CLEC16A: variants seen among roughly 807,000 people sequenced by gnomAD.
CLEC16A encodes C-type lectin domain containing 16A.
A neutral mutation model predicts 109.5 loss-of-function variants in CLEC16A; 51 were observed. The observed-to-expected ratio is 0.47, with a 90% CI of 0.37 to 0.59. CLEC16A has a LOEUF of 0.59. CLEC16A is among the 20% of genes least tolerant of loss of function. CLEC16A has a pLI of 0.00. For synonymous variants in CLEC16A, 673 were observed against 564.2 expected, an observed-to-expected ratio of 1.19 and a Z score of -2.73; for missense variants, 1,339 against 1,394.0, an observed-to-expected ratio of 0.96 and a Z score of 0.63.
chr16:11,063,219 G>A (rs555148524), intron 19 of CLEC16A, among the ~76,000 whole-genome samples: 10 of 151,342 alleles, frequency 6.6e-5, no homozygotes, highest in South Asian at 2.1e-4. Context: ...ATGGAAGCAC[G>A]TGGTACTAGG....
intron 22 of CLEC16A, among the ~76,000 whole-genome samples, chr16:11,141,230 G>C (rs768558391): frequency 1.3e-5 from 2 of 152,256 alleles, no homozygotes; most frequent in Non-Finnish European, 2.9e-5. Flanking sequence ...GCACCAGGCA[G>C]GTAGAGTTCT....
In CLEC16A at chr16:11,020,312, A is replaced by T; in HGVS notation, c.1423A>T (p.Thr475Ser). The T allele has an allele frequency of 6.2e-7, 1 of 1,611,446 alleles. No homozygotes were observed. The highest frequency in any genetic ancestry group is 8.5e-7 in the Non-Finnish European group (1 of 1,178,776). Residue 475 changes from threonine to serine, a missense_variant, in exon 12 of 24, where the codon ACG becomes TCG. Around this residue, in one of 3 missense-constraint regions of CLEC16A, gnomAD observed 1,061 missense variants for 1,006.8 expected, o/e 1.05. Coordinates refer to ENST00000409790, the MANE Select transcript of CLEC16A (RefSeq NM_015226.3). ...KSAAATCSES[T>S]QWSRPFLDMV... ...CGCCGCCGCCACCTGCTCTGAGAGC[A>T]CGCAATGGAGCAGGTAGCTGCCCGA...
chr16:11,031,334 G>C (rs2046730771), intron 13 of CLEC16A, among the ~76,000 whole-genome samples: 1 of 152,198 alleles, frequency 6.6e-6, no homozygotes, highest in Non-Finnish European at 1.5e-5. Context: ...TCATCTTGGT[G>C]ACTGGTGTTC....
chr16:10,954,212 GGCGA>G lies in CLEC16A; in HGVS notation c.81-3567_81-3564del, dbSNP rs2041878561. ...CTTTCTTCCTGGCCACAGGTCTGTGGGCGAGCTACTGAACGTCGCCAAACCTCAC... is the reference window on the plus strand; with the variant it reads ...CTTTCTTCCTGGCCACAGGTCTGTGGGCTACTGAACGTCGCCAAACCTCAC... On this transcript the variant is annotated intron_variant, in intron 1 of 23. Transcript: ENST00000409790. The surrounding 1 kb of genome is among the most constrained non-coding windows in gnomAD (Gnocchi z 4.2). Among the ~76,000 whole-genome samples, 1 of 152,164 alleles carries G rather than the reference GGCGA, an allele frequency of 6.6e-6. No homozygotes were observed. The highest frequency in any genetic ancestry group is 6.5e-5 in the Admixed American group (1 of 15,286).
At chr16:10,989,492 C>A (rs1175552597) in intron 10 of CLEC16A, among the ~76,000 whole-genome samples, 3 of 152,142 alleles carry the variant, frequency 2.0e-5, no homozygotes, top group South Asian at 2.1e-4. Flanking sequence ...ACCTTGGCCT[C>A]GCAAAGTGCT....
chr16:10,960,511 G>A (rs910398297), intron 2 of CLEC16A, among the ~76,000 whole-genome samples: 13 of 152,184 alleles, frequency 8.5e-5, no homozygotes, highest in African/African-American at 3.1e-4. Flanking sequence ...ATATCCACAT[G>A]ACATCCTGGT....
At position 11,027,136 on chromosome 16, in the gene CLEC16A, A is replaced by G. The variant is rs561769411; in HGVS notation, c.1537+2215A>G. 9.6e-6 allele frequency: 14 copies of G among 1,458,840 alleles called. No homozygotes were observed. The East Asian group carries it at 2.9e-4, about 31-fold the overall frequency. 90.4% of individuals were successfully genotyped at this position (1,458,840 alleles called of 1,614,324 possible). A position where few individuals can be genotyped will look rare whatever the true frequency, so the allele number is the denominator to read the frequency against. On this transcript the variant is annotated intron_variant, in intron 13 of 23. Transcript: ENST00000409790. ...CAGGCAAAGCAGGAACTTTTGGCAA[A>G]GAAGGAGCAGAAGAAAGGAAAAGGG...
At position 11,092,431 on chromosome 16, in the gene CLEC16A, T is replaced by C. The variant is rs1217754238; in HGVS notation, c.2117-28184T>C. 2.0e-5 allele frequency among the ~76,000 whole-genome samples: 3 copies of C among 147,788 alleles called. No individual in the cohort carries two copies. In the East Asian group the frequency reaches 6.0e-4, roughly 29 times the overall value. ...CAGGTGTGGTGGTGGGAGCCTGTAG[T>C]CCCAGCTACTTGGGAGGCTGAGGCG... On this transcript the variant is annotated intron_variant, in intron 19 of 23. Transcript: ENST00000409790.
chr16:11,000,176 A>G (rs1332503882), intron 10 of CLEC16A, among the ~76,000 whole-genome samples: 1 of 152,126 alleles, frequency 6.6e-6, no homozygotes, highest in African/African-American at 2.4e-5. Flanking sequence ...CTTTGGTTCT[A>G]GGGGGCCAGA....
chr16:10,979,491 C>G (rs188252853), intron 9 of CLEC16A, 109 bp downstream of exon 9: 6 of 940,088 alleles, frequency 6.4e-6, no homozygotes, highest in South Asian at 4.4e-5. Context: ...CTGTCCCCCC[C>G]ATGCTGGAGT....
In CLEC16A at chr16:11,120,773, T is replaced by A. The variant is rs1316621051; in HGVS notation, c.2268+7T>A. ...GTTTGCAGGCCTATTGCAGGTAAGA[T>A]GGCCAGGAGCTCTGGGATCTGTTCT... On this transcript the variant is annotated splice_region_variant and intron_variant, in intron 20 of 23. Transcript: ENST00000409790. The A allele has an allele frequency of 6.6e-7, 1 of 1,522,232 alleles. No homozygotes were observed. The highest frequency in any genetic ancestry group is 8.9e-7 in the Non-Finnish European group (1 of 1,127,928). The allele number at this position is 1,522,232 out of a possible 1,614,324, so 94.3% of individuals were successfully genotyped here.
chr16:10,956,690 A>G (rs903004678), intron 1 of CLEC16A, among the ~76,000 whole-genome samples: 7 of 152,302 alleles, frequency 4.6e-5, no homozygotes, highest in South Asian at 2.1e-4. Context: ...CCCACCAGCA[A>G]AGAGGCCTTG....
intron 19 of CLEC16A, among the ~76,000 whole-genome samples, chr16:11,073,481 G>C (rs1035848936): frequency 1.3e-5 from 2 of 152,104 alleles, no homozygotes; most frequent in African/African-American, 4.8e-5. Flanking sequence ...GCGCCACGCT[G>C]CTTCATCCAT....
Position 11,062,916 on chromosome 16 carries a change from A to AT in CLEC16A, c.2116+1894_2116+1895insT, listed in dbSNP as rs1410227195. On this transcript the variant is annotated intron_variant, in intron 19 of 23. Coordinates refer to ENST00000409790, the MANE Select transcript of CLEC16A (RefSeq NM_015226.3). ...GGGGGGGTGGGGGAGGGCAGTGGGG[A>AT]GGGGGCACTTCATCAGGGCAGCAAG... 3.5e-5 allele frequency among the ~76,000 whole-genome samples: 5 copies of AT among 141,098 alleles called. No individual in the cohort carries two copies. The East Asian group carries it at 1.1e-3, about 30-fold the overall frequency. 92.6% of individuals were successfully genotyped at this position (141,098 alleles called of 152,430 possible). A position where few individuals can be genotyped will look rare whatever the true frequency, so the allele number is the denominator to read the frequency against.
chr16:11,122,094 G>T (rs1405651594), intron 20 of CLEC16A, among the ~76,000 whole-genome samples: 2 of 39,268 alleles, frequency 5.1e-5, no homozygotes, highest in African/African-American at 2.6e-4. Flanking sequence ...AGCCAGCCCT[G>T]GTTTCTGGAA....
intron 8 of CLEC16A, among the ~76,000 whole-genome samples, chr16:10,978,657 G>C (rs546033352): frequency 8.6e-4 from 131 of 152,300 alleles, no homozygotes; most frequent in African/African-American, 3.0e-3. Context: ...GAGAGACAGA[G>C]ACAGAGTGTG....
chr16:11,044,145 T>C (rs1050596469), intron 16 of CLEC16A, 73 bp downstream of exon 16: 1 of 1,340,392 alleles, frequency 7.5e-7, no homozygotes, highest in Non-Finnish European at 1.0e-6. Context: ...TCTGGTTCTA[T>C]GCAGATAAAC....
chr16:11,057,481 C>T (rs2048269304), intron 18 of CLEC16A, among the ~76,000 whole-genome samples: 1 of 152,242 alleles, frequency 6.6e-6, no homozygotes, highest in Admixed American at 6.5e-5. Flanking sequence ...ACTACAGAGC[C>T]ACCCACCTTC....
In CLEC16A at chr16:11,044,088, C is replaced by T; in HGVS notation, c.1815+16C>T. ...TTTTTATAAGGTAATTGGCAGAGCA[C>T]AGATGGACAGCAGCATGGTGTGTAT... is the stretch of plus-strand genomic sequence containing the variant. On this transcript the variant is annotated intron_variant, in intron 16 of 23. Coordinates refer to ENST00000409790, the MANE Select transcript of CLEC16A (RefSeq NM_015226.3). 1 of 1,601,732 alleles carries T rather than the reference C, an allele frequency of 6.2e-7. No homozygotes were observed. Among genetic ancestry groups the T allele is most frequent in the Non-Finnish European group, 8.5e-7 (1 of 1,172,148 alleles).
Sources: gnomAD v4.1 joint callset for allele counts (sites outside exome capture counted in the v4.1 genomes callset) on GRCh38, gnomAD v4.1.1 for gene constraint, gnomAD v4.1.1 regional missense constraint, Gnocchi (gnomAD v3.1) non-coding constraint, MANE v1.5 for transcripts, NCBI Gene and HGNC (gene_info 2026-07-23, HGNC 2026-07-21) for gene names.